TMC5: variants seen among roughly 807,000 people sequenced by gnomAD.
The protein encoded by TMC5 is transmembrane channel-like protein 5.
TMC5 carries 86 observed loss-of-function variants against 110.5 expected under a neutral mutation model. That is an observed-to-expected ratio of 0.78 (90% CI 0.65 to 0.93). TMC5 has a LOEUF of 0.93. Ranked by LOEUF, TMC5 falls within the 40% of genes least tolerant of loss-of-function variation. TMC5 has a pLI of 0.00. For synonymous variants in TMC5, 455 were observed against 439.5 expected, an observed-to-expected ratio of 1.04 and a Z score of -0.44; for missense variants, 1,144 against 1,222.8, an observed-to-expected ratio of 0.94 and a Z score of 0.96.
chr16:19,498,091 G>A lies in TMC5; in HGVS notation c.*125G>A, dbSNP rs542174671. On this transcript the variant is annotated 3_prime_UTR_variant, in exon 22 of 22. Coordinates refer to ENST00000542583, the MANE Select transcript of TMC5 (RefSeq NM_001261841.2). ...AAAATCCAAGGCTTTAGCCAGGAGC[G>A]GAAACTGACTACCATGTAATTATCA... 38 of 874,782 alleles carry A rather than the reference G, an allele frequency of 4.3e-5. No homozygotes were observed. The highest frequency in any genetic ancestry group is 8.7e-5 in the South Asian group (6 of 69,252). 54.2% of individuals were successfully genotyped at this position (874,782 alleles called of 1,614,324 possible).
At chr16:19,447,700 A>G (rs1967644870) in intron 4 of TMC5, among the ~76,000 whole-genome samples, 1 of 151,992 alleles carries the variant, frequency 6.6e-6, no homozygotes, top group African/African-American at 2.4e-5. Flanking sequence ...CTACAGGCAC[A>G]CTACTACCAT....
chr16:19,440,629 A>G lies in TMC5; in HGVS notation c.591A>G (p.Pro197=). The change falls in exon 3 of 22, where the codon CCA becomes CCG. Residue 197 remains proline, a synonymous_variant. Coordinates refer to ENST00000542583, the MANE Select transcript of TMC5 (RefSeq NM_001261841.2). ...AACATACAAGTTTTAGAATCAATCC[A>G]TACGCAGACTCTCTGGGAAAGCCTG... ...NLEHTSFRIN[P]YADSLGKPDY... The G allele has an allele frequency of 6.2e-7, 1 of 1,614,222 alleles. No homozygotes were observed.
chr16:19,451,034 C>G (rs867615590), intron 5 of TMC5, among the ~76,000 whole-genome samples: 4 of 151,924 alleles, frequency 2.6e-5, no homozygotes, highest in African/African-American at 9.7e-5. Context: ...TTTGGGAGAC[C>G]GAGGCGGTAG....
chr16:19,459,253 G>A (rs527678510), intron 5 of TMC5, among the ~76,000 whole-genome samples: 11 of 152,290 alleles, frequency 7.2e-5, no homozygotes, highest in Admixed American at 7.2e-4. Flanking sequence ...TCAGGGCCAT[G>A]TGAGGGAGGC....
chr16:19,452,739 C>T (rs547611687), intron 5 of TMC5, among the ~76,000 whole-genome samples: 2 of 152,168 alleles, frequency 1.3e-5, no homozygotes, highest in African/African-American at 4.8e-5. Flanking sequence ...TGTTCAGATC[C>T]TTCTTGGGCT....
intron 2 of TMC5, among the ~76,000 whole-genome samples, chr16:19,435,407 C>T (rs2143438502): frequency 6.6e-6 from 1 of 151,564 alleles, no homozygotes; most frequent in Middle Eastern, 3.4e-3. Flanking sequence ...GAGGCTGAGG[C>T]AGAAGAATGG....
At chr16:19,448,485 G>A (rs989342469) in intron 4 of TMC5, among the ~76,000 whole-genome samples, 4 of 151,698 alleles carry the variant, frequency 2.6e-5, no homozygotes, top group Non-Finnish European at 5.9e-5. Context: ...CAGGCATGGT[G>A]GTGCATGCTT....
intron 5 of TMC5, among the ~76,000 whole-genome samples, chr16:19,457,732 T>TTTTTTTTTTTG (rs1967921685): frequency 9.0e-6 from 1 of 110,634 alleles, no homozygotes; most frequent in Admixed American, 9.1e-5. Flanking sequence ...TTTTTTTTTT[T>TTTTTTTTTTTG]TTTTTTTTTT....
intron 2 of TMC5, 105 bp from the exon 3 acceptor site, chr16:19,439,855 C>T (rs1404526713): frequency 5.1e-6 from 3 of 591,724 alleles, no homozygotes; most frequent in Non-Finnish European, 9.0e-6. Flanking sequence ...CAGTTGTGTA[C>T]CTGACTACGA....
chr16:19,427,508 C>T (rs1466625675), intron 1 of TMC5, among the ~76,000 whole-genome samples: 1 of 152,002 alleles, frequency 6.6e-6, no homozygotes, highest in Non-Finnish European at 1.5e-5. Context: ...CCGAGCTGGC[C>T]ATATTTGAAG....
chr16:19,492,235 C>T lies in TMC5; in HGVS notation c.2826+7C>T. 1 of 1,605,316 alleles carries T rather than the reference C, an allele frequency of 6.2e-7. No homozygotes were observed. ...CCATGAGCAGATCATTAATGTAAGT[C>T]CCCTTGGATCCCTCTGATGTCCGCC... On this transcript the variant is annotated splice_region_variant and intron_variant, in intron 19 of 21. Coordinates refer to ENST00000542583, the MANE Select transcript of TMC5 (RefSeq NM_001261841.2).
At position 19,464,363 on chromosome 16, in the gene TMC5, G is replaced by T. The variant is rs544882490; in HGVS notation, c.1485+339G>T. Among the ~76,000 whole-genome samples, 26 of 152,238 alleles carry T rather than the reference G, an allele frequency of 1.7e-4. No homozygotes were observed. The South Asian group carries it at 3.1e-3, about 18-fold the overall frequency. ...TGCTTGAGCCCAGGAGGCAGAGATT[G>T]CAGTGAAGCAAGATTCCCCCACTGC... On this transcript the variant is annotated intron_variant, in intron 8 of 21. Transcript: ENST00000542583.
intron 18 of TMC5, among the ~76,000 whole-genome samples, chr16:19,490,856 C>G (rs1968877682): frequency 7.5e-6 from 1 of 133,342 alleles, no homozygotes; most frequent in East Asian, 2.2e-4. Flanking sequence ...CCGTTCCTTT[C>G]CTCTTCATTT....
At chr16:19,465,097 C>G in intron 8 of TMC5, among the ~76,000 whole-genome samples, 1 of 106,020 alleles carries the variant, frequency 9.4e-6, no homozygotes, top group Non-Finnish European at 1.9e-5. Context: ...TCCTTCCTTC[C>G]TTCCTTCCTT....
Position 19,440,111 on chromosome 16 carries a change from C to T in TMC5, c.73C>T (p.Arg25Cys), listed in dbSNP as rs756493316. Reference sequence around the variant, plus strand: ...CCCTGACTATTCAGGGTCTCAGAACCGTACGCAGGGGTATTTGAAAACTCA... The same window carrying T: ...CCCTGACTATTCAGGGTCTCAGAACTGTACGCAGGGGTATTTGAAAACTCA... Reference protein sequence around the residue: ...DYPDYSGSQNRTQGYLKTQGY... With the variant: ...DYPDYSGSQNCTQGYLKTQGY... The change falls in exon 3 of 22, where the codon CGT becomes TGT. Residue 25 changes from arginine to cysteine, a missense_variant. Physicochemically the swap from Arg to Cys is radical, Grantham distance 180. Coordinates refer to ENST00000542583, the MANE Select transcript of TMC5 (RefSeq NM_001261841.2). 6 of 1,614,094 alleles carry T rather than the reference C, an allele frequency of 3.7e-6. No homozygotes were observed. The highest frequency in any genetic ancestry group is 1.7e-5 in the Admixed American group (1 of 60,014).
chr16:19,454,936 C>T (rs574828423), intron 5 of TMC5, among the ~76,000 whole-genome samples: 2 of 152,068 alleles, frequency 1.3e-5, no homozygotes, highest in African/African-American at 4.8e-5. Flanking sequence ...ACCAGGGGTT[C>T]GAGACCAGCC....
In TMC5 at chr16:19,439,922, A is replaced by G; in HGVS notation, c.-79-38A>G. On this transcript the variant is annotated intron_variant, in intron 2 of 21. Coordinates refer to ENST00000542583, the MANE Select transcript of TMC5 (RefSeq NM_001261841.2). ...AGCAATCTCTGCAGGGAAGAAAGGG[A>G]AAAAAATCTGACTTTTTCTTTTCTT... is the stretch of plus-strand genomic sequence containing the variant. 3 of 913,776 alleles carry G rather than the reference A, an allele frequency of 3.3e-6. No homozygotes were observed. In the South Asian group the frequency reaches 5.1e-5, roughly 15 times the overall value. 56.6% of individuals were successfully genotyped at this position (913,776 alleles called of 1,614,324 possible). A position where few individuals can be genotyped will look rare whatever the true frequency, so the allele number is the denominator to read the frequency against.
chr16:19,418,401 T>G (rs1567293982), intron 1 of TMC5, among the ~76,000 whole-genome samples: 4 of 152,272 alleles, frequency 2.6e-5, no homozygotes, highest in Admixed American at 6.5e-5. Flanking sequence ...GGTTTCCTTG[T>G]CTGTAGAATG....
At chr16:19,456,698 A>T (rs1967881267) in intron 5 of TMC5, 1 of 1,599,988 alleles carries the variant, frequency 6.3e-7, no homozygotes, top group South Asian at 1.1e-5. Context: ...GGCTTGCAGG[A>T]GGCAGGAGAT....
Sources: allele counts gnomAD v4.1 joint callset (sites outside exome capture counted in the v4.1 genomes callset), GRCh38; gene constraint gnomAD v4.1.1; transcripts MANE v1.5; gene names NCBI Gene and HGNC (gene_info 2026-07-23, HGNC 2026-07-21).